HPRT1: variants seen among roughly 807,000 people sequenced by gnomAD.
The protein encoded by HPRT1 is hypoxanthine-guanine phosphoribosyltransferase.
A neutral mutation model predicts 19.0 loss-of-function variants in HPRT1; 4 were observed. The ratio of observed to expected loss-of-function variants is 0.21; its 90% CI spans 0.10 to 0.48. HPRT1 has a LOEUF of 0.48. HPRT1 is among the 20% of genes least tolerant of loss of function. The pLI, the probability that HPRT1 is intolerant of heterozygous loss-of-function variation, is 0.98. For missense variants in HPRT1, 65 were observed against 164.0 expected (o/e 0.40, Z 3.30); for synonymous variants, 53 against 54.9 (o/e 0.97, Z 0.15).
chrX:134,472,662 G>C (rs1258093824), intron 1 of HPRT1, among the ~76,000 whole-genome samples: 2 of 110,928 alleles, frequency 1.8e-5, no homozygotes, highest in Non-Finnish European at 3.8e-5. Flanking sequence ...TGCCTTCTGG[G>C]TACAAGCGAT....
intron 1 of HPRT1, 34 bp from the exon 2 acceptor site, chrX:134,473,325 T>C (rs1277170106): frequency 1.2e-6 from 1 of 809,425 alleles, no homozygotes. Flanking sequence ...TATCCTGTAA[T>C]GCTCTCATTG....
intron 1 of HPRT1, among the ~76,000 whole-genome samples, chrX:134,464,912 C>T (rs967078930): frequency 2.7e-5 from 3 of 109,111 alleles, no homozygotes; most frequent in African/African-American, 1.0e-4. Flanking sequence ...CTTGTTTGGA[C>T]CCACGAACAT....
chrX:134,493,448 T>C (rs1427115813), intron 5 of HPRT1, 60 bp from the exon 6 acceptor site: 2 of 800,182 alleles, frequency 2.5e-6, no homozygotes, highest in African/African-American at 4.1e-5. Context: ...ACATGGGGGT[T>C]TTGGTACTTT....
chrX:134,490,456 C>T (rs1347556953), intron 5 of HPRT1, among the ~76,000 whole-genome samples: 1 of 100,057 alleles, frequency 1.0e-5, no homozygotes, highest in Non-Finnish European at 2.0e-5. Flanking sequence ...CTCTCTCTCT[C>T]TATTTATCTA....
intron 8 of HPRT1, among the ~76,000 whole-genome samples, chrX:134,499,700 A>T (rs1330473345): frequency 1.8e-4 from 20 of 108,483 alleles, no homozygotes; most frequent in African/African-American, 6.7e-4. Flanking sequence ...GCTACTCGGG[A>T]GGCTGAGGCA....
chrX:134,484,996 A>C (rs2077649369), intron 3 of HPRT1, among the ~76,000 whole-genome samples: 1 of 111,864 alleles, frequency 8.9e-6, no homozygotes, highest in Admixed American at 9.5e-5. Flanking sequence ...GTATCTTTGT[A>C]TACTTGTCAG....
chrX:134,467,864 G>A (rs746262937), intron 1 of HPRT1, among the ~76,000 whole-genome samples: 1 of 102,860 alleles, frequency 9.7e-6, no homozygotes, highest in South Asian at 4.8e-4. Flanking sequence ...GGAGTGTAGT[G>A]GTATGATCTC....
At chrX:134,463,760 T>G (rs1253008516) in intron 1 of HPRT1, among the ~76,000 whole-genome samples, 1 of 111,904 alleles carries the variant, frequency 8.9e-6, no homozygotes, top group Non-Finnish European at 1.9e-5. Flanking sequence ...ATGTTGAAGT[T>G]GTACTGGTAT....
rs745379941 is a variant in HPRT1 at position 134,487,565 on chromosome X, CCAGT to C, written c.384+1036_384+1039del. On this transcript the variant is annotated intron_variant, in intron 4 of 8. Transcript: ENST00000298556. ...AAAAGACTTGCCCAAAGTCACAGAA[CCAGT>C]AAGTGGTAGAGCTTGAATTTGAATA... Among the ~76,000 whole-genome samples, 388 of 111,911 alleles carry C rather than the reference CCAGT, an allele frequency of 3.5e-3. 2 individuals carry two copies. The highest frequency in any genetic ancestry group is 0.012 in the African/African-American group (365 of 30,884).
At chrX:134,484,896 A>G (rs767300603) in intron 3 of HPRT1, among the ~76,000 whole-genome samples, 63 of 109,779 alleles carry the variant, frequency 5.7e-4, no homozygotes, top group Non-Finnish European at 6.3e-4. Context: ...CTGGCCTTGA[A>G]CTCCTGGGGT....
At chrX:134,499,980 C>T (rs2077691307) in intron 8 of HPRT1, 50 bp from the exon 9 acceptor site, 1 of 851,033 alleles carries the variant, frequency 1.2e-6, no homozygotes. Flanking sequence ...TCTTGCCTTT[C>T]ATTTCAGAAT....
intron 3 of HPRT1, among the ~76,000 whole-genome samples, chrX:134,478,014 T>G (rs564484889): frequency 8.9e-6 from 1 of 112,088 alleles, no homozygotes; most frequent in South Asian, 3.7e-4. Flanking sequence ...ATTCAGCAGC[T>G]TGTCATGTAA....
intron 3 of HPRT1, among the ~76,000 whole-genome samples, chrX:134,478,485 C>T (rs1022611113): frequency 8.1e-5 from 9 of 110,694 alleles, no homozygotes; most frequent in African/African-American, 3.0e-4. Context: ...TGGTGGCGTG[C>T]ACCTGTAGTC....
intron 1 of HPRT1, 107 bp downstream of exon 1, chrX:134,460,445 A>G: frequency 1.6e-6 from 1 of 641,229 alleles, no homozygotes; most frequent in Non-Finnish European, 2.0e-6. Flanking sequence ...GGCCGGGCCC[A>G]GGGAACCCCG....
intron 1 of HPRT1, among the ~76,000 whole-genome samples, chrX:134,469,136 C>T (rs1228346536): frequency 1.8e-5 from 2 of 110,917 alleles, no homozygotes; most frequent in Non-Finnish European, 3.8e-5. Flanking sequence ...CAAGTTCTGA[C>T]AACTGTCTGT....
intron 3 of HPRT1, among the ~76,000 whole-genome samples, chrX:134,477,728 C>T (rs1398243009): frequency 2.7e-5 from 3 of 112,080 alleles, no homozygotes; most frequent in African/African-American, 6.5e-5. Flanking sequence ...GGCTGGAATG[C>T]AGTAGCAAGA....
intron 6 of HPRT1, among the ~76,000 whole-genome samples, chrX:134,496,999 T>G (rs1237155827): frequency 8.9e-6 from 1 of 112,196 alleles, no homozygotes; most frequent in Non-Finnish European, 1.9e-5. Context: ...CTTCTGTAGT[T>G]TTTTTTAAAT....
At chrX:134,494,935 A>G (rs1316561137) in intron 6 of HPRT1, among the ~76,000 whole-genome samples, 1 of 111,850 alleles carries the variant, frequency 8.9e-6, no homozygotes, top group Non-Finnish European at 1.9e-5. Context: ...CCGATCTTGC[A>G]TACATTTCAT....
At chrX:134,480,766 T>TACAC (rs748211684) in intron 3 of HPRT1, among the ~76,000 whole-genome samples, 57 of 92,182 alleles carry the variant, frequency 6.2e-4, no homozygotes, top group East Asian at 4.7e-3. Context: ...TAACTTAAAA[T>TACAC]ACACACACAC....
Sources: gnomAD v4.1 joint callset for allele counts (sites outside exome capture counted in the v4.1 genomes callset) on GRCh38, gnomAD v4.1.1 for gene constraint, MANE v1.5 for transcripts, NCBI Gene and HGNC (gene_info 2026-07-23, HGNC 2026-07-21) for gene names.